The following SLC24A2 variants were observed in gnomAD, a reference collection of about 807,000 sequenced individuals.
The protein encoded by SLC24A2 is solute carrier family 24 member 2.
In SLC24A2, 36 loss-of-function variants were observed where a neutral mutation model predicts 62.0. That is an observed-to-expected ratio of 0.58 (90% confidence interval 0.44 to 0.77). The LOEUF (loss-of-function observed/expected upper bound fraction) is 0.77, where lower values mean the gene tolerates loss of function less well. Among genes scored for constraint, SLC24A2 ranks in the 30% least tolerant of loss-of-function variants. The pLI is 0.00. For missense variants in SLC24A2, 846 were observed against 817.9 expected (o/e 1.03, Z -0.42); for synonymous variants, 358 against 294.0 (o/e 1.22, Z -2.23).
chr9:20,292,722 C>T, the SLC24A2 span, among the ~76,000 whole-genome samples: 1 of 152,176 alleles, frequency 6.6e-6, no homozygotes, highest in Non-Finnish European at 1.5e-5. Context: ...TTTCACTTCA[C>T]TGGGCCACAG....
upstream of SLC24A2, among the ~76,000 whole-genome samples, chr9:19,789,924 C>T (rs964347049): frequency 4.6e-5 from 7 of 152,138 alleles, no homozygotes; most frequent in African/African-American, 1.7e-4. Context: ...TCATGCCCTC[C>T]TTACAATGGG....
chr9:19,931,394 C>T, the SLC24A2 span, among the ~76,000 whole-genome samples: 1 of 152,074 alleles, frequency 6.6e-6, no homozygotes, highest in Non-Finnish European at 1.5e-5. Flanking sequence ...ATGTATTTAA[C>T]ACATAAAACC....
intron 2 of SLC24A2, among the ~76,000 whole-genome samples, chr9:19,634,982 C>A (rs1052450900): frequency 2.6e-5 from 4 of 152,102 alleles, no homozygotes; most frequent in Admixed American, 6.5e-5. Flanking sequence ...TGGAGATTCA[C>A]CCTTAAAATA....
chr9:19,588,293 G>A (rs1304811061), intron 5 of SLC24A2, among the ~76,000 whole-genome samples: 2 of 151,610 alleles, frequency 1.3e-5, no homozygotes, highest in Non-Finnish European at 2.9e-5. Context: ...CCATAAACTT[G>A]GGATGAATGA....
At chr9:19,613,168 T>C (rs1817666988) in intron 4 of SLC24A2, among the ~76,000 whole-genome samples, 1 of 152,230 alleles carries the variant, frequency 6.6e-6, no homozygotes, top group South Asian at 2.1e-4. Context: ...AACAACTTTG[T>C]TATCTCTTTG....
upstream of SLC24A2, among the ~76,000 whole-genome samples, chr9:19,791,652 C>T (rs945481694): frequency 3.3e-5 from 5 of 152,188 alleles, no homozygotes; most frequent in Non-Finnish European, 1.5e-5. Context: ...AATCACACTA[C>T]GTGGAAGCAG....
the SLC24A2 span, among the ~76,000 whole-genome samples, chr9:19,917,475 T>G: frequency 6.6e-6 from 1 of 151,798 alleles, no homozygotes; most frequent in Non-Finnish European, 1.5e-5. Context: ...ACCTCTAAAT[T>G]AATATGACAT....
the SLC24A2 span, among the ~76,000 whole-genome samples, chr9:19,978,288 G>GATAAAACTGATAAA: frequency 7.9e-5 from 12 of 152,126 alleles, no homozygotes; most frequent in Non-Finnish European, 1.2e-4. Flanking sequence ...CAAAAGGACA[G>GATAAAACTGATAAA]AGGGGCCACT....
intron 2 of SLC24A2, among the ~76,000 whole-genome samples, chr9:19,636,142 T>C (rs1410091815): frequency 1.3e-5 from 2 of 152,130 alleles, no homozygotes; most frequent in Non-Finnish European, 2.9e-5. Flanking sequence ...AAAACAAAGT[T>C]GCTCTAGACA....
At chr9:19,763,025 T>G (rs199790064) in intron 2 of SLC24A2, among the ~76,000 whole-genome samples, 3 of 152,004 alleles carry the variant, frequency 2.0e-5, no homozygotes, top group African/African-American at 7.2e-5. Context: ...CTCCTTGAGG[T>G]GGTCCTTCAC....
At chr9:19,764,775 T>C (rs1386510004) in intron 2 of SLC24A2, among the ~76,000 whole-genome samples, 7 of 152,194 alleles carry the variant, frequency 4.6e-5, no homozygotes, top group African/African-American at 1.7e-4. Flanking sequence ...GTGTATTCTG[T>C]TGATCTGGGG....
chr9:20,135,607 A>G, the SLC24A2 span, among the ~76,000 whole-genome samples: 2 of 152,172 alleles, frequency 1.3e-5, no homozygotes, highest in African/African-American at 4.8e-5. Context: ...GTCGTGGAAG[A>G]TGCTTAATAA....
At chr9:20,204,829 C>T in the SLC24A2 span, among the ~76,000 whole-genome samples, 1 of 151,322 alleles carries the variant, frequency 6.6e-6, no homozygotes, top group East Asian at 1.9e-4. Context: ...CTGCAAGCTC[C>T]GTCTCCCAGG....
At chr9:19,670,501 A>C (rs183255062) in intron 2 of SLC24A2, among the ~76,000 whole-genome samples, 1 of 152,326 alleles carries the variant, frequency 6.6e-6, no homozygotes, top group Admixed American at 6.5e-5. Flanking sequence ...CTACCATTAC[A>C]AAGTGCCAGG....
intron 2 of SLC24A2, among the ~76,000 whole-genome samples, chr9:19,727,135 C>A (rs183397572): frequency 4.5e-4 from 69 of 152,258 alleles, no homozygotes; most frequent in Middle Eastern, 6.8e-3. Context: ...TGTCTGTGGG[C>A]TCTACCATTC....
chr9:20,131,083 G>C, the SLC24A2 span, among the ~76,000 whole-genome samples: 1 of 151,190 alleles, frequency 6.6e-6, no homozygotes, highest in African/African-American at 2.5e-5. Context: ...CAAATACCCA[G>C]ATCCAGAAAC....
chr9:19,527,781 G>C (rs998903734), intron 9 of SLC24A2, among the ~76,000 whole-genome samples: 2 of 152,138 alleles, frequency 1.3e-5, no homozygotes, highest in Non-Finnish European at 2.9e-5. Context: ...GGTTGTCCTG[G>C]TGTCTGTCAG....
chr9:19,852,158 C>T, the SLC24A2 span, among the ~76,000 whole-genome samples: 5 of 152,048 alleles, frequency 3.3e-5, no homozygotes, highest in Non-Finnish European at 5.9e-5. Context: ...ATGTCCTTTG[C>T]CCACTTTTTA....
At chr9:19,636,309 CTTTTCTTTTCTTTCTTTCTTT>C (rs1818323420) in intron 2 of SLC24A2, among the ~76,000 whole-genome samples, 9 of 40,434 alleles carry the variant, frequency 2.2e-4, no homozygotes, top group Admixed American at 1.0e-3. Context: ...CTTTTCTTTT[CTTTTCTTTTCTTTCTTTCTTT>C]CTTTCTTTCT....
Sources: gnomAD v4.1 joint callset for allele counts (sites outside exome capture counted in the v4.1 genomes callset) on GRCh38, gnomAD v4.1.1 for gene constraint, MANE v1.5 for transcripts, NCBI Gene and HGNC (gene_info 2026-07-23, HGNC 2026-07-21) for gene names.